NRG3: variants seen among roughly 807,000 people sequenced by gnomAD.
NRG3 encodes the protein pro-neuregulin-3, membrane-bound isoform.
Under a neutral mutation model 66.9 loss-of-function variants are expected in NRG3, and 31 were observed. The observed-to-expected ratio is 0.46, with a 90% CI of 0.35 to 0.63. NRG3 has a LOEUF of 0.63. Ranked by LOEUF, NRG3 falls within the 20% of genes least tolerant of loss-of-function variation. NRG3 has a pLI of 0.00. For synonymous variants in NRG3, 393 were observed against 359.4 expected, an observed-to-expected ratio of 1.09 and a Z score of -1.06; for missense variants, 910 against 878.9, an observed-to-expected ratio of 1.04 and a Z score of -0.45.
chr10:82,535,713 A>G (rs1324497996), intron 2 of NRG3, among the ~76,000 whole-genome samples: 1 of 152,212 alleles, frequency 6.6e-6, no homozygotes, highest in Non-Finnish European at 1.5e-5. Context: ...ATGATTGCCC[A>G]TATAAAAATG....
chr10:82,664,322 G>A (rs17100444), intron 2 of NRG3, among the ~76,000 whole-genome samples: 38,608 of 151,932 alleles, frequency 0.25, 5,180 homozygotes, highest in Admixed American at 0.37. Flanking sequence ...AGTACTAGCT[G>A]ATTAAAAAGT....
At chr10:82,298,110 C>T (rs566262280) in intron 1 of NRG3, among the ~76,000 whole-genome samples, 95 of 151,706 alleles carry the variant, frequency 6.3e-4, no homozygotes, top group African/African-American at 2.1e-3. Flanking sequence ...TGCTACTGCA[C>T]TCAAGCCTGG....
chr10:82,936,701 AT>A (rs1331057207), intron 4 of NRG3, among the ~76,000 whole-genome samples: 3 of 152,206 alleles, frequency 2.0e-5, no homozygotes, highest in African/African-American at 7.2e-5. Flanking sequence ...ACTTCAAAAC[AT>A]TGTACACAAT....
chr10:82,711,666 A>G (rs370637396), intron 2 of NRG3, among the ~76,000 whole-genome samples: 1 of 151,732 alleles, frequency 6.6e-6, no homozygotes, highest in African/African-American at 2.4e-5. Flanking sequence ...ACTTCTTCCA[A>G]TGCTACTTAA....
intron 1 of NRG3, among the ~76,000 whole-genome samples, chr10:82,109,600 A>G (rs1437524210): frequency 6.7e-6 from 1 of 150,338 alleles, no homozygotes; most frequent in Non-Finnish European, 1.5e-5. Flanking sequence ...TTCAGATCAA[A>G]TTGATTCCAA....
chr10:82,604,182 G>T (rs555882017), intron 2 of NRG3, among the ~76,000 whole-genome samples: 1 of 152,026 alleles, frequency 6.6e-6, no homozygotes, highest in Non-Finnish European at 1.5e-5. Context: ...AATCCCTTTT[G>T]TTCCACCTAT....
intron 2 of NRG3, among the ~76,000 whole-genome samples, chr10:82,443,870 G>C (rs2090570432): frequency 6.6e-6 from 1 of 152,150 alleles, no homozygotes; most frequent in South Asian, 2.1e-4. Flanking sequence ...TTCCTCCATA[G>C]TGCTTTCATT....
At chr10:82,487,160 C>G (rs759075478) in intron 2 of NRG3, among the ~76,000 whole-genome samples, 1 of 149,178 alleles carries the variant, frequency 6.7e-6, no homozygotes, top group African/African-American at 2.5e-5. Context: ...TGTGCTAAAT[C>G]CTGAGGATAC....
chr10:82,017,566 G>C (rs1401166571), intron 1 of NRG3, among the ~76,000 whole-genome samples: 1 of 152,096 alleles, frequency 6.6e-6, no homozygotes, highest in Non-Finnish European at 1.5e-5. Context: ...CAGTGTAAAA[G>C]TGTTCCTATT....
At chr10:82,599,850 A>G (rs2047510992) in intron 2 of NRG3, among the ~76,000 whole-genome samples, 1 of 152,162 alleles carries the variant, frequency 6.6e-6, no homozygotes, top group Non-Finnish European at 1.5e-5. Context: ...AAAGTGAAAC[A>G]AAACAAAAGA....
At chr10:82,054,049 A>G (rs1018390353) in intron 1 of NRG3, among the ~76,000 whole-genome samples, 1 of 152,210 alleles carries the variant, frequency 6.6e-6, no homozygotes, top group Non-Finnish European at 1.5e-5. Flanking sequence ...TCGGAGAAGT[A>G]ATAGGGTTCT....
In NRG3 at chr10:82,123,088, A is replaced by T. The variant is rs377397968; in HGVS notation, c.824-235651A>T. Among the ~76,000 whole-genome samples the T allele has an allele frequency of 1.1e-4, 16 of 152,034 alleles. No individual in the cohort carries two copies. In the East Asian group the frequency reaches 2.3e-3, roughly 22 times the overall value. On this transcript the variant is annotated intron_variant, in intron 1 of 8. Transcript: ENST00000372141. The stretch of plus-strand genomic sequence containing the variant: ...AACTATCTTTAAATCTTGGCACCAC[A>T]ATTTTTACCTTGGGAAATTATGAAC...
chr10:82,570,615 T>A (rs1418007334), intron 2 of NRG3, among the ~76,000 whole-genome samples: 1 of 151,508 alleles, frequency 6.6e-6, no homozygotes, highest in East Asian at 1.9e-4. Context: ...ACCATAAATA[T>A]TAATGGGCAT....
chr10:82,938,567 A>G lies in NRG3; in HGVS notation c.1055-12902A>G, dbSNP rs942297542. Reference sequence around the variant, plus strand: ...TGATTATGTTTGTAGATCTTCCAGGATCACTGCCAATACCTGTGGTAAAGG... The same window carrying G: ...TGATTATGTTTGTAGATCTTCCAGGGTCACTGCCAATACCTGTGGTAAAGG... On this transcript the variant is annotated intron_variant, in intron 4 of 8. Coordinates refer to ENST00000372141, the MANE Select transcript of NRG3 (RefSeq NM_001010848.4). Among the ~76,000 whole-genome samples the G allele has an allele frequency of 2.6e-5, 4 of 152,174 alleles. No homozygotes were observed. In the East Asian group the frequency reaches 7.7e-4, roughly 29 times the overall value.
intron 5 of NRG3, 81 bp downstream of exon 5, chr10:82,951,652 C>A: frequency 8.5e-7 from 1 of 1,179,438 alleles, no homozygotes; most frequent in Non-Finnish European, 1.3e-6. Context: ...AGTCTGTGTG[C>A]CACACAGAGG....
intron 1 of NRG3, among the ~76,000 whole-genome samples, chr10:82,183,222 TTCTC>T (rs1351126015): frequency 2.0e-5 from 3 of 151,986 alleles, no homozygotes; most frequent in Admixed American, 1.3e-4. Flanking sequence ...TTTTTTTCTT[TTCTC>T]TCTATCTCTT....
At chr10:82,094,067 A>G (rs934282163) in intron 1 of NRG3, among the ~76,000 whole-genome samples, 4 of 152,242 alleles carry the variant, frequency 2.6e-5, no homozygotes, top group African/African-American at 9.6e-5. Context: ...TTATACTCAC[A>G]TTTATTGACA....
intron 2 of NRG3, among the ~76,000 whole-genome samples, chr10:82,563,101 A>G (rs906522285): frequency 2.0e-5 from 3 of 152,150 alleles, no homozygotes; most frequent in African/African-American, 7.2e-5. Context: ...GATTTAGAAC[A>G]TGGCATCCAG....
chr10:81,929,417 G>A (rs192381273), intron 1 of NRG3, among the ~76,000 whole-genome samples: 9 of 152,292 alleles, frequency 5.9e-5, no homozygotes, highest in African/African-American at 2.2e-4. Context: ...TGAGAAGTGA[G>A]TTTGTAGCTT....
Sources: allele counts gnomAD v4.1 joint callset (sites outside exome capture counted in the v4.1 genomes callset), GRCh38; gene constraint gnomAD v4.1.1; transcripts MANE v1.5; gene names NCBI Gene and HGNC (gene_info 2026-07-23, HGNC 2026-07-21).